The following AHI1 variants were observed in gnomAD, a reference collection of about 807,000 sequenced individuals.
AHI1 encodes Abelson helper integration site 1.
Under a neutral mutation model 149.3 loss-of-function variants are expected in AHI1, and 123 were observed. That is an observed-to-expected ratio of 0.82 (90% CI 0.71 to 0.96). The LOEUF (loss-of-function observed/expected upper bound fraction) is 0.96, where lower values mean the gene tolerates loss of function less well. Among genes scored for constraint, AHI1 ranks in the 40% least tolerant of loss-of-function variants. AHI1 has a pLI of 0.00. For missense variants in AHI1, 1,439 were observed against 1,422.7 expected (o/e 1.01, Z -0.18); for synonymous variants, 475 against 459.8 (o/e 1.03, Z -0.42).
intron 7 of AHI1, among the ~76,000 whole-genome samples, chr6:135,465,198 T>C (rs1298602098): frequency 1.3e-5 from 2 of 152,168 alleles, no homozygotes; most frequent in African/African-American, 4.8e-5. Context: ...GGAACAAAGT[T>C]AATTATAGCA....
At chr6:135,363,026 T>A (rs992141524) in intron 23 of AHI1, among the ~76,000 whole-genome samples, 9 of 150,340 alleles carry the variant, frequency 6.0e-5, no homozygotes, top group East Asian at 1.9e-4. Flanking sequence ...ATCTTTTTTT[T>A]AAATTTTATT....
In AHI1 at chr6:135,284,348, A is replaced by T. The variant is rs1182693950; in HGVS notation, c.*1297T>A. The T allele has an allele frequency of 6.6e-6, 1 of 152,188 alleles. No individual in the cohort carries two copies. Among genetic ancestry groups the T allele is most frequent in the African/African-American group, 2.4e-5 (1 of 41,440 alleles). The allele number at this position is 152,188 out of a possible 1,614,324, so 9.4% of individuals were successfully genotyped here. On this transcript the variant is annotated 3_prime_UTR_variant, in exon 29 of 29. Transcript: ENST00000265602. The stretch of plus-strand genomic sequence containing the variant: ...ACATCTGGGCAAAATTTACACCTCA[A>T]TGCCCAACATTGTTTTTCTCACTTC...
chr6:135,430,059 G>A, intron 17 of AHI1, 59 bp from the exon 18 acceptor site: 2 of 902,830 alleles, frequency 2.2e-6, no homozygotes. Context: ...AAACTTTTTT[G>A]GGGGTACAAA....
intron 5 of AHI1, among the ~76,000 whole-genome samples, chr6:135,471,669 T>A (rs1408812295): frequency 0.013 from 1 of 80 alleles, no homozygotes; most frequent in South Asian, 0.12. Flanking sequence ...ATGATTCAGG[T>A]TTTTTTTTGC....
At chr6:135,303,634 G>T (rs1187126581) in intron 26 of AHI1, among the ~76,000 whole-genome samples, 3 of 151,736 alleles carry the variant, frequency 2.0e-5, no homozygotes, top group African/African-American at 7.3e-5. Context: ...TTATTTTACA[G>T]ACCAGGAATT....
intron 8 of AHI1, among the ~76,000 whole-genome samples, chr6:135,461,810 T>C (rs1208085080): frequency 6.6e-6 from 1 of 151,956 alleles, no homozygotes; most frequent in Non-Finnish European, 1.5e-5. Context: ...AAAATTAACA[T>C]TGAGTAAAAA....
Position 135,442,659 on chromosome 6 carries a change from C to T in AHI1, c.1835G>A (p.Cys612Tyr). ...ATTGTGGGAGAAATCAAGACAAAAA[C>T]ATCCTCGTTCTCCTGCATTTAGTGA... Reference protein sequence around the residue: ...LFSLNAGERGCFCLDFSHNGR... With the variant: ...LFSLNAGERGYFCLDFSHNGR... Residue 612 changes from cysteine (C) to tyrosine (Y), a missense_variant, in exon 14 of 29, where the codon TGT becomes TAT. Cys to Tyr is a radical substitution (Grantham distance 194, BLOSUM62 -2). Transcript: ENST00000265602. 6.2e-7 allele frequency: 1 copy of T among 1,611,260 alleles called. No homozygotes were observed. Among genetic ancestry groups the T allele is most frequent in the Non-Finnish European group, 8.5e-7 (1 of 1,178,526 alleles).
At position 135,433,233 on chromosome 6, in the gene AHI1, T is replaced by C. The variant is rs768368062; in HGVS notation, c.2060A>G (p.Asn687Ser). Residue 687 changes from asparagine to serine, a missense_variant, in exon 16 of 29, where the codon AAT (asparagine) becomes AGT (serine). Coordinates refer to ENST00000265602, the MANE Select transcript of AHI1 (RefSeq NM_001134831.2). ...AGGTAAAACTCTGAAAGTATTTGTA[T>C]TGTTTATTTCATTTTTCCATATCCT... The part of the protein sequence containing the change: ...TARIWKNEIN[N>S]TNTFRVLPHP... The C allele has an allele frequency of 6.2e-7, 1 of 1,607,684 alleles. No homozygotes were observed. The highest frequency in any genetic ancestry group is 1.1e-5 in the South Asian group (1 of 90,924).
chr6:135,483,335 ATAT>A (rs1369458730), intron 5 of AHI1, among the ~76,000 whole-genome samples: 3 of 152,198 alleles, frequency 2.0e-5, no homozygotes, highest in African/African-American at 7.2e-5. Flanking sequence ...CACATGAAAG[ATAT>A]TATTAATACC....
intron 27 of AHI1, among the ~76,000 whole-genome samples, chr6:135,292,538 A>C (rs1782493693): frequency 6.6e-6 from 1 of 152,222 alleles, no homozygotes; most frequent in Admixed American, 6.5e-5. Flanking sequence ...ACTGAGCCAC[A>C]GACGATGAAG....
rs143250529 is a variant in AHI1 at position 135,430,274 on chromosome 6, A to T, written c.2374-274T>A. On this transcript the variant is annotated intron_variant, in intron 17 of 28. Coordinates refer to ENST00000265602, the MANE Select transcript of AHI1 (RefSeq NM_001134831.2). ...TTTCCCAAAATTTGGTCAGTCCCAA[A>T]CAAGAAGTACTTCCAACAAACACAT... Among the ~76,000 whole-genome samples the T allele has an allele frequency of 5.8e-3, 875 of 152,076 alleles. 2 individuals are homozygous for T. Among genetic ancestry groups the T allele is most frequent in the Non-Finnish European group, 9.3e-3 (632 of 67,806 alleles).
chr6:135,420,682 C>T (rs1024243827), intron 20 of AHI1, among the ~76,000 whole-genome samples: 5 of 152,160 alleles, frequency 3.3e-5, no homozygotes, highest in African/African-American at 4.8e-5. Flanking sequence ...GAGTTAGAGG[C>T]CTTGCTCTAG....
intron 23 of AHI1, among the ~76,000 whole-genome samples, chr6:135,367,636 G>C (rs1048199794): frequency 6.6e-6 from 1 of 152,000 alleles, no homozygotes; most frequent in African/African-American, 2.4e-5. Context: ...TTACTTGTTT[G>C]AGTCTATTGG....
At position 135,284,637 on chromosome 6, in the gene AHI1, A is replaced by G. The variant is rs1287278918; in HGVS notation, c.*1008T>C. ...TAAAAATATTAAGATTAAAATAAAT[A>G]TTAAACAATGTAAGTCTACAAAATA... On this transcript the variant is annotated 3_prime_UTR_variant, in exon 29 of 29. Coordinates refer to ENST00000265602, the MANE Select transcript of AHI1 (RefSeq NM_001134831.2). The G allele has an allele frequency of 6.6e-6, 1 of 152,178 alleles. No homozygotes were observed. Among genetic ancestry groups the G allele is most frequent in the African/African-American group, 2.4e-5 (1 of 41,444 alleles). 9.4% of individuals were successfully genotyped at this position (152,178 alleles called of 1,614,324 possible).
At chr6:135,392,861 G>C (rs995910169) in intron 23 of AHI1, among the ~76,000 whole-genome samples, 2 of 152,098 alleles carry the variant, frequency 1.3e-5, no homozygotes, top group Admixed American at 1.3e-4. Flanking sequence ...AGCTCACCTG[G>C]TTCCTAAGGC....
intron 26 of AHI1, chr6:135,302,834 C>A: frequency 7.8e-7 from 1 of 1,288,594 alleles, no homozygotes; most frequent in South Asian, 1.2e-5. Context: ...ACGAAAAAGC[C>A]CCCAAGGCTG....
At chr6:135,405,597 C>T (rs1346141913) in intron 21 of AHI1, among the ~76,000 whole-genome samples, 1 of 151,962 alleles carries the variant, frequency 6.6e-6, no homozygotes, top group Non-Finnish European at 1.5e-5. Context: ...CGGTGGCTCA[C>T]GCCTTGTAAT....
At chr6:135,402,944 T>C (rs1350144225) in intron 22 of AHI1, among the ~76,000 whole-genome samples, 2 of 152,072 alleles carry the variant, frequency 1.3e-5, no homozygotes, top group East Asian at 1.9e-4. Flanking sequence ...GCACAGGTGG[T>C]TGGTCCCCCT....
chr6:135,318,506 C>T lies in AHI1; in HGVS notation c.3426+13G>A, dbSNP rs6914831. On this transcript the variant is annotated intron_variant, in intron 26 of 28. Coordinates refer to ENST00000265602, the MANE Select transcript of AHI1 (RefSeq NM_001134831.2). ...AAAGTACATATGTAATACGTATGCT[C>T]AAAAACATTTACCTTTTGAGGAGCT... 876,087 of 1,533,058 alleles carry T rather than the reference C, an allele frequency of 0.57. 251,668 individuals are homozygous for T. The highest frequency in any genetic ancestry group is 0.67 in the East Asian group (29,014 of 43,104). 95.0% of individuals were successfully genotyped at this position (1,533,058 alleles called of 1,614,324 possible). A position where few individuals can be genotyped will look rare whatever the true frequency, so the allele number is the denominator to read the frequency against.
Sources: allele counts gnomAD v4.1 joint callset (sites outside exome capture counted in the v4.1 genomes callset), GRCh38; gene constraint gnomAD v4.1.1; transcripts MANE v1.5; gene names NCBI Gene and HGNC (gene_info 2026-07-23, HGNC 2026-07-21).